Variants in SPRED2 observed in about 807,000 individuals in gnomAD.
SPRED2 encodes sprouty-related, EVH1 domain-containing protein 2.
A neutral mutation model predicts 43.0 loss-of-function variants in SPRED2; 47 were observed. The observed-to-expected ratio is 1.09, with a 90% CI of 0.87 to 1.40. The LOEUF is 1.40. Among genes scored for constraint, SPRED2 ranks in the 40% most tolerant of loss-of-function variants. SPRED2 has a pLI of 0.00. For missense variants in SPRED2, 561 were observed against 586.4 expected, an observed-to-expected ratio of 0.96 and a Z score of 0.45; for synonymous variants, 225 against 225.7, an observed-to-expected ratio of 1.00 and a Z score of 0.03.
chr2:65,356,720 G>A (rs1328781742), intron 1 of SPRED2, among the ~76,000 whole-genome samples: 2 of 151,782 alleles, frequency 1.3e-5, no homozygotes, highest in Non-Finnish European at 2.9e-5. Flanking sequence ...GGCCGGGCGC[G>A]GTGGTTCATG....
intron 1 of SPRED2, among the ~76,000 whole-genome samples, chr2:65,392,175 C>CTTTTTTTTTTTTTTTTTTTTTTT (rs70943649): frequency 1.0e-5 from 1 of 98,726 alleles, no homozygotes; most frequent in Non-Finnish European, 2.1e-5. Flanking sequence ...TCCAGAATTT[C>CTTTTTTTTTTTTTTTTTTTTTTT]TTTTTTTTTT....
At chr2:65,368,095 G>T (rs1675030415) in intron 1 of SPRED2, among the ~76,000 whole-genome samples, 1 of 152,150 alleles carries the variant, frequency 6.6e-6, no homozygotes, top group South Asian at 2.1e-4. Context: ...CAAAATAGAG[G>T]GGTCACTAAA....
At chr2:65,385,584 G>T (rs1216902146) in intron 1 of SPRED2, among the ~76,000 whole-genome samples, 2 of 152,092 alleles carry the variant, frequency 1.3e-5, no homozygotes, top group Non-Finnish European at 2.9e-5. Flanking sequence ...TCACCTTCCT[G>T]GTCTGATACA....
Position 65,432,063 on chromosome 2 carries a change from T to TCTTCA in SPRED2, c.-81_-77dup. 1.3e-6 allele frequency: 2 copies of TCTTCA among 1,581,222 alleles called. No individual in the cohort carries two copies. Among genetic ancestry groups the TCTTCA allele is most frequent in the Non-Finnish European group, 1.7e-6 (2 of 1,154,540 alleles). On this transcript the variant is annotated 5_prime_UTR_variant, in exon 1 of 6. Transcript: ENST00000356388. ...CATCTTCCTGTCCGCTCGCCCCCCT[T>TCTTCA]CTTCACATCTCCGGAGATCGCCTGA...
At chr2:65,350,863 A>G (rs912221978) in intron 1 of SPRED2, among the ~76,000 whole-genome samples, 1 of 152,222 alleles carries the variant, frequency 6.6e-6, no homozygotes, top group Admixed American at 6.5e-5. Flanking sequence ...GGGTCTCACA[A>G]AGAATGTGTG....
At chr2:65,327,805 C>G (rs12615566) in intron 4 of SPRED2, among the ~76,000 whole-genome samples, 203 of 144,158 alleles carry the variant, frequency 1.4e-3, no homozygotes, top group East Asian at 0.011. Flanking sequence ...CTCACTGCAA[C>G]CTCCGCCTTC....
chr2:65,344,600 G>A (rs777702730), intron 2 of SPRED2, 119 bp downstream of exon 2: 27 of 1,341,602 alleles, frequency 2.0e-5, no homozygotes, highest in Admixed American at 7.9e-5. Flanking sequence ...TGAAGCTTTT[G>A]CAAGAGTTTG....
In SPRED2 at chr2:65,312,534, TTG is replaced by T. The variant is rs1473378093; in HGVS notation, c.*965_*966del. 1 of 985,374 alleles carries T rather than the reference TTG, an allele frequency of 1.0e-6. No individual in the cohort carries two copies. The highest frequency in any genetic ancestry group is 1.2e-6 in the Non-Finnish European group (1 of 829,926). 61.0% of individuals were successfully genotyped at this position (985,374 alleles called of 1,614,324 possible). On this transcript the variant is annotated 3_prime_UTR_variant, in exon 6 of 6. Transcript: ENST00000356388. ...GGAACTTGTTCGTGGGAACACTGAT[TTG>T]TGTTTGAGGAAACTATTTGGTTTGC...
downstream of SPRED2, among the ~76,000 whole-genome samples, chr2:65,309,686 G>T (rs996791477): frequency 6.6e-6 from 1 of 152,152 alleles, no homozygotes; most frequent in African/African-American, 2.4e-5. Context: ...TTCCTCACTT[G>T]TAAGGTGGAA....
intron 1 of SPRED2, among the ~76,000 whole-genome samples, chr2:65,371,171 G>A (rs928538009): frequency 1.3e-5 from 2 of 150,840 alleles, no homozygotes; most frequent in South Asian, 2.2e-4. Flanking sequence ...ACATATCCCC[G>A]CATCCAATCA....
At chr2:65,319,990 T>G (rs1673365083) in intron 4 of SPRED2, among the ~76,000 whole-genome samples, 1 of 152,154 alleles carries the variant, frequency 6.6e-6, no homozygotes, top group Non-Finnish European at 1.5e-5. Flanking sequence ...GGTATTTTGT[T>G]GAGATTAACA....
intron 1 of SPRED2, among the ~76,000 whole-genome samples, chr2:65,356,536 C>CT (rs1274369940): frequency 0.017 from 1,045 of 60,578 alleles, 21 homozygotes; most frequent in Middle Eastern, 0.045. Flanking sequence ...CCAGTTCCCT[C>CT]TTTTTTTTTT....
At chr2:65,362,995 A>G (rs1410124208) in intron 1 of SPRED2, among the ~76,000 whole-genome samples, 1 of 136,736 alleles carries the variant, frequency 7.3e-6, no homozygotes, top group Non-Finnish European at 1.5e-5. Flanking sequence ...CTCTATGGTC[A>G]TCATGTTTTG....
At chr2:65,382,524 C>A (rs1303421009) in intron 1 of SPRED2, among the ~76,000 whole-genome samples, 1 of 152,190 alleles carries the variant, frequency 6.6e-6, no homozygotes, top group East Asian at 1.9e-4. Context: ...CAACTGGCAG[C>A]TGAACTCACA....
At chr2:65,410,022 C>T (rs1289653439) in intron 1 of SPRED2, among the ~76,000 whole-genome samples, 2 of 143,668 alleles carry the variant, frequency 1.4e-5, no homozygotes, top group Admixed American at 7.1e-5. Flanking sequence ...GAGTGAGACT[C>T]TGCCTCGGAA....
intron 1 of SPRED2, among the ~76,000 whole-genome samples, chr2:65,394,466 A>G (rs1355710262): frequency 6.6e-6 from 1 of 152,236 alleles, no homozygotes; most frequent in Non-Finnish European, 1.5e-5. Context: ...ACAAAAACTG[A>G]GAATGAGAAA....
intron 1 of SPRED2, among the ~76,000 whole-genome samples, chr2:65,396,136 T>A (rs984524369): frequency 1.3e-5 from 2 of 152,206 alleles, no homozygotes; most frequent in African/African-American, 4.8e-5. Flanking sequence ...GATGGGATAA[T>A]GTGGGTGAGG....
intron 1 of SPRED2, among the ~76,000 whole-genome samples, chr2:65,407,162 C>T (rs1676043822): frequency 6.6e-6 from 1 of 151,882 alleles, no homozygotes; most frequent in African/African-American, 2.4e-5. Flanking sequence ...CTCCTGACCC[C>T]ATGATCTGCC....
At chr2:65,424,107 G>A (rs552855281) in intron 1 of SPRED2, among the ~76,000 whole-genome samples, 1 of 151,816 alleles carries the variant, frequency 6.6e-6, no homozygotes, top group South Asian at 2.1e-4. Flanking sequence ...CTTTTTAACA[G>A]CCTATTAGGT....
Sources: allele counts gnomAD v4.1 joint callset (sites outside exome capture counted in the v4.1 genomes callset), GRCh38; gene constraint gnomAD v4.1.1; transcripts MANE v1.5; gene names NCBI Gene and HGNC (gene_info 2026-07-23, HGNC 2026-07-21).